The following GNAI2 variants were observed in gnomAD, a reference collection of about 807,000 sequenced individuals.
The protein encoded by GNAI2 is G protein subunit alpha i2.
A neutral mutation model predicts 36.8 loss-of-function variants in GNAI2; 4 were observed. That is an observed-to-expected ratio of 0.11 (90% CI 0.05 to 0.25). GNAI2 has a LOEUF of 0.25. Among genes scored for constraint, GNAI2 ranks in the 10% least tolerant of loss-of-function variants. The pLI, the probability that GNAI2 is intolerant of heterozygous loss-of-function variation, is 1.00. For missense variants in GNAI2, 230 were observed against 481.3 expected (o/e 0.48, Z 4.89); for synonymous variants, 194 against 194.1 (o/e 1.00, Z 0.01).
chr3:50,254,505 C>T (rs1700642584), intron 4 of GNAI2, among the ~76,000 whole-genome samples: 1 of 152,180 alleles, frequency 6.6e-6, no homozygotes, highest in African/African-American at 2.4e-5. Context: ...TGAACAGCCT[C>T]CTCCTACCCT....
Position 50,257,554 on chromosome 3 carries a change from T to C in GNAI2, c.932T>C (p.Leu311Pro). The C allele has an allele frequency of 6.3e-7, 1 of 1,597,736 alleles. No homozygotes were observed. Among genetic ancestry groups the C allele is most frequent in the Non-Finnish European group, 8.5e-7 (1 of 1,170,028 alleles). The change falls in exon 8 of 9, where the codon CTG becomes CCG. Residue 311 changes from leucine (L) to proline (P), a missense_variant. This residue lies in a region of GNAI2 where 51 missense variants were observed against 56.7 expected (regional missense o/e 0.90). Transcript: ENST00000313601. ...ASYIQSKFED[L>P]NKRKDTKEIY... ...TACATCCAGAGTAAGTTTGAGGACC[T>C]GAATAAGCGCAAAGACACCAAGGAG... is the stretch of plus-strand genomic sequence containing the variant.
intron 1 of GNAI2, chr3:50,231,086 G>A (rs1415746559): frequency 2.2e-5 from 5 of 230,016 alleles, no homozygotes; most frequent in Non-Finnish European, 3.6e-5. Context: ...ACCTTTGCAT[G>A]TACTCTTCCA....
In GNAI2 at chr3:50,253,856, C is replaced by G. The variant is rs782036632; in HGVS notation, c.464+672C>G. 1.3e-5 allele frequency among the ~76,000 whole-genome samples: 2 copies of G among 152,102 alleles called. No individual in the cohort carries two copies. Among genetic ancestry groups the G allele is most frequent in the Non-Finnish European group, 2.9e-5 (2 of 68,020 alleles). On this transcript the variant is annotated intron_variant, in intron 4 of 8. Transcript: ENST00000313601. The surrounding 1 kb of genome is among the most constrained non-coding windows in gnomAD (Gnocchi z 4.2). ...TGAAAAGGTAGAGGTGGAGTTGGCC[C>G]AGAGACAGGATTGCTGAGCTCTGAA...
At chr3:50,234,221 C>G (rs992696005), upstream of GNAI2, among the ~76,000 whole-genome samples, 12 of 151,664 alleles carry the variant, frequency 7.9e-5, no homozygotes, top group Non-Finnish European at 1.5e-4. Context: ...CGCCCGCCAC[C>G]ACGCCGGCTA....
rs1257900751 is a variant in GNAI2, at chr3:50,255,698, T to C, written c.465-494T>C. ...TCTACAGGTGGGAGGCCGGGGGCTC[T>C]GAGTTCAGGTTTCTTCATTTGAGCA... is the stretch of plus-strand genomic sequence containing the variant. On this transcript the variant is annotated intron_variant, in intron 4 of 8. Coordinates refer to ENST00000313601, the MANE Select transcript of GNAI2 (RefSeq NM_002070.4). The surrounding 1 kb of genome is among the most constrained non-coding windows in gnomAD (Gnocchi z 4.0). 2.0e-5 allele frequency among the ~76,000 whole-genome samples: 3 copies of C among 152,092 alleles called. No individual in the cohort carries two copies. The highest frequency in any genetic ancestry group is 7.2e-5 in the African/African-American group (3 of 41,396).
At chr3:50,236,201 C>T (rs587704655), upstream of GNAI2, 1 of 1,179,322 alleles carries the variant, frequency 8.5e-7, no homozygotes, top group South Asian at 4.2e-5. This position sits in a 1 kb window ranked among gnomAD's most constrained non-coding sequence, Gnocchi z 4.0. Flanking sequence ...AGGCGCCTCC[C>T]GCAGTCGCTC....
In GNAI2 at chr3:50,241,964, C is replaced by T. The variant is rs1575443002; in HGVS notation, c.118+5511C>T. Among the ~76,000 whole-genome samples, 1 of 152,288 alleles carries T rather than the reference C, an allele frequency of 6.6e-6. No individual in the cohort carries two copies. Among genetic ancestry groups the T allele is most frequent in the South Asian group, 2.1e-4 (1 of 4,830 alleles). On this transcript the variant is annotated intron_variant, in intron 1 of 8. Coordinates refer to ENST00000313601, the MANE Select transcript of GNAI2 (RefSeq NM_002070.4). This position sits in a 1 kb window ranked among gnomAD's most constrained non-coding sequence, Gnocchi z 5.0. ...AGGGTGGGGTGTGGTCAGGTCCCAG[C>T]AAGGTCCCTAGGCCTCCAGCACTGC... is the stretch of plus-strand genomic sequence containing the variant.
At chr3:50,246,104 G>GAGC (rs1213397303) in intron 1 of GNAI2, among the ~76,000 whole-genome samples, 1 of 152,250 alleles carries the variant, frequency 6.6e-6, no homozygotes, top group Non-Finnish European at 1.5e-5. Context: ...GGGGGCCGGG[G>GAGC]AGCAGCACCT....
intron 1 of GNAI2, among the ~76,000 whole-genome samples, chr3:50,245,715 C>G (rs587764902): frequency 6.6e-6 from 1 of 152,370 alleles, no homozygotes; most frequent in East Asian, 1.9e-4. Flanking sequence ...CCTTCCTCAC[C>G]CGGTGCCTGA....
At chr3:50,254,042 G>A (rs1485848618) in intron 4 of GNAI2, among the ~76,000 whole-genome samples, 1 of 152,096 alleles carries the variant, frequency 6.6e-6, no homozygotes, top group East Asian at 1.9e-4. Context: ...GGTGACAGGT[G>A]TGTGTGTAGG....
At position 50,253,652 on chromosome 3, in the gene GNAI2, G is replaced by C. The variant is rs1012111906; in HGVS notation, c.464+468G>C. On this transcript the variant is annotated intron_variant, in intron 4 of 8. Transcript: ENST00000313601. The surrounding 1 kb of genome is among the most constrained non-coding windows in gnomAD (Gnocchi z 4.2). ...CCAGCTACTCAGGAGGCTGAGGCAG[G>C]AGAATGGCGTGAACCTGGGAGGTGG... is the stretch of plus-strand genomic sequence containing the variant. Among the ~76,000 whole-genome samples, 21 of 152,348 alleles carry C rather than the reference G, an allele frequency of 1.4e-4. No homozygotes were observed. The highest frequency in any genetic ancestry group is 2.5e-4 in the Non-Finnish European group (17 of 68,030).
chr3:50,229,179 A>T (rs2109168966), upstream of GNAI2: 2 of 152,280 alleles, frequency 1.3e-5, no homozygotes, highest in South Asian at 4.1e-4. Flanking sequence ...TAACATGAAC[A>T]AAGCAGTAGC....
In GNAI2 at chr3:50,242,302, G is replaced by A. The variant is rs781867506; in HGVS notation, c.118+5849G>A. On this transcript the variant is annotated intron_variant, in intron 1 of 8. Coordinates refer to ENST00000313601, the MANE Select transcript of GNAI2 (RefSeq NM_002070.4). This position sits in a 1 kb window ranked among gnomAD's most constrained non-coding sequence, Gnocchi z 4.8. ...GGGGGAGGCAGGACCGGGCAGATGG[G>A]GGCAAGGTACAGGCCAGGGAGTAGT... Among the ~76,000 whole-genome samples, 4 of 152,144 alleles carry A rather than the reference G, an allele frequency of 2.6e-5. No homozygotes were observed. Among genetic ancestry groups the A allele is most frequent in the Non-Finnish European group, 4.4e-5 (3 of 68,018 alleles).
chr3:50,256,375 G>T lies in GNAI2; in HGVS notation c.593+55G>T, dbSNP rs1700704645. 4.5e-6 allele frequency: 7 copies of T among 1,539,148 alleles called. No individual in the cohort carries two copies. In the South Asian group the frequency reaches 6.7e-5, roughly 15 times the overall value. On this transcript the variant is annotated intron_variant, in intron 5 of 8. Transcript: ENST00000313601. ...GCAGGACCTGCCAGCCTCTGGGGTA[G>T]CAGAGGCAGGGGCTGGTCCAGGATC...
At chr3:50,234,921 T>G (rs1478946700), upstream of GNAI2, among the ~76,000 whole-genome samples, 1 of 152,166 alleles carries the variant, frequency 6.6e-6, no homozygotes, top group Non-Finnish European at 1.5e-5. Context: ...CACCCCACCT[T>G]TGCCTGGCCA....
At chr3:50,232,392 A>G (rs1447547428), upstream of GNAI2, among the ~76,000 whole-genome samples, 1 of 152,192 alleles carries the variant, frequency 6.6e-6, no homozygotes, top group Non-Finnish European at 1.5e-5. Flanking sequence ...TGTGCCATGC[A>G]CATTCTGCAT....
upstream of GNAI2, among the ~76,000 whole-genome samples, chr3:50,232,765 G>A (rs1261598630): frequency 5.3e-5 from 8 of 152,206 alleles, no homozygotes; most frequent in East Asian, 1.9e-4. Flanking sequence ...CAAGGAAGAC[G>A]TTAGAATCCT....
rs939777536 is a variant in GNAI2, at chr3:50,255,591, C to T, written c.465-601C>T. ...TAGCTCCAACATCCTGGATCCTGTC[C>T]GAGGCAGGTCTGGCTCAGACCCTGG... On this transcript the variant is annotated intron_variant, in intron 4 of 8. Transcript: ENST00000313601. The surrounding 1 kb of genome is among the most constrained non-coding windows in gnomAD (Gnocchi z 4.0). 1.3e-5 allele frequency among the ~76,000 whole-genome samples: 2 copies of T among 152,166 alleles called. No individual in the cohort carries two copies. Among genetic ancestry groups the T allele is most frequent in the Admixed American group, 6.5e-5 (1 of 15,278 alleles).
chr3:50,257,512 A>T lies in GNAI2; in HGVS notation c.890A>T (p.Tyr297Phe). The change falls in exon 8 of 9, where the codon TAT (tyrosine) becomes TTT (phenylalanine). Residue 297 changes from tyrosine to phenylalanine, a missense_variant. Tyr to Phe is a conservative substitution (Grantham distance 22). Around this residue, in one of 4 missense-constraint regions of GNAI2, gnomAD observed 51 missense variants for 56.7 expected, o/e 0.90. Coordinates refer to ENST00000313601, the MANE Select transcript of GNAI2 (RefSeq NM_002070.4). ...CFPEYTGANK[Y>F]DEAASYIQSK... ...TTCTCTCCCCCAGGGGCCAACAAAT[A>T]TGATGAGGCAGCCAGCTACATCCAG... 1 of 1,562,054 alleles carries T rather than the reference A, an allele frequency of 6.4e-7. No homozygotes were observed.
Sources: allele counts gnomAD v4.1 joint callset (sites outside exome capture counted in the v4.1 genomes callset), GRCh38; gene constraint gnomAD v4.1.1; regional missense constraint gnomAD v4.1.1; non-coding constraint Gnocchi (gnomAD v3.1); transcripts MANE v1.5; gene names NCBI Gene and HGNC (gene_info 2026-07-23, HGNC 2026-07-21).